GLIS3: variants seen among roughly 807,000 people sequenced by gnomAD.
The protein encoded by GLIS3 is GLIS family zinc finger 3.
GLIS3 carries 53 observed loss-of-function variants against 78.6 expected under a neutral mutation model. The ratio of observed to expected loss-of-function variants is 0.67; its 90% confidence interval spans 0.54 to 0.85. The LOEUF (loss-of-function observed/expected upper bound fraction) is 0.85, where lower values mean the gene tolerates loss of function less well. Among genes scored for constraint, GLIS3 ranks in the 40% least tolerant of loss-of-function variants. GLIS3 has a pLI of 0.00. For synonymous variants in GLIS3, 684 were observed against 509.9 expected (o/e 1.34, Z -4.60); for missense variants, 1,703 against 1,231.1 (o/e 1.38, Z -5.74).
chr9:4,080,148 C>T (rs915761949), intron 4 of GLIS3, among the ~76,000 whole-genome samples: 2 of 152,200 alleles, frequency 1.3e-5, no homozygotes, highest in Non-Finnish European at 2.9e-5. Context: ...AAACCGTGTG[C>T]TGTGGTTCCT....
At chr9:4,198,705 C>T (rs1330745638) in intron 2 of GLIS3, among the ~76,000 whole-genome samples, 1 of 151,992 alleles carries the variant, frequency 6.6e-6, no homozygotes, top group East Asian at 1.9e-4. Flanking sequence ...TACAAGAAAT[C>T]CAGAGAACAC....
intron 2 of GLIS3, among the ~76,000 whole-genome samples, chr9:4,204,473 T>A (rs1819672172): frequency 6.6e-6 from 1 of 152,094 alleles, no homozygotes; most frequent in South Asian, 2.1e-4. Context: ...AAGAAAAGGC[T>A]GCATCCTAGG....
intron 6 of GLIS3, among the ~76,000 whole-genome samples, chr9:3,931,769 C>T (rs1825636213): frequency 6.6e-6 from 1 of 152,166 alleles, no homozygotes; most frequent in Admixed American, 6.5e-5. Context: ...TTTTTATGAA[C>T]TTTGAAAATG....
At chr9:4,184,604 G>C (rs991134134) in intron 2 of GLIS3, among the ~76,000 whole-genome samples, 1 of 152,166 alleles carries the variant, frequency 6.6e-6, no homozygotes, top group African/African-American at 2.4e-5. Flanking sequence ...AAGAGAGAGA[G>C]GAGAAAAGAG....
intron 2 of GLIS3, among the ~76,000 whole-genome samples, chr9:4,147,930 C>T (rs1834356989): frequency 6.6e-6 from 1 of 152,174 alleles, no homozygotes; most frequent in Non-Finnish European, 1.5e-5. Flanking sequence ...GGTAAGTCAA[C>T]TTACTGTCGG....
intron 2 of GLIS3, among the ~76,000 whole-genome samples, chr9:4,184,185 C>G (rs1409821931): frequency 6.6e-6 from 1 of 152,118 alleles, no homozygotes; most frequent in Non-Finnish European, 1.5e-5. Flanking sequence ...TTACAGCCAA[C>G]TCTTGATTAT....
chr9:4,122,106 C>G (rs148666395), intron 3 of GLIS3, among the ~76,000 whole-genome samples: 8 of 152,180 alleles, frequency 5.3e-5, no homozygotes, highest in African/African-American at 1.7e-4. Context: ...ACTCAGAAAC[C>G]ATCAGCAAAA....
intron 2 of GLIS3, among the ~76,000 whole-genome samples, chr9:4,139,090 T>C (rs746851427): frequency 3.3e-5 from 5 of 152,174 alleles, no homozygotes; most frequent in Admixed American, 6.5e-5. Flanking sequence ...GCCCAACTTA[T>C]CTTATTAAGA....
At chr9:3,990,651 C>A (rs990734200) in intron 4 of GLIS3, among the ~76,000 whole-genome samples, 2 of 152,102 alleles carry the variant, frequency 1.3e-5, no homozygotes, top group Non-Finnish European at 1.5e-5. Context: ...TCCAAAATAG[C>A]CCTTGCCTTC....
At chr9:4,252,165 G>A (rs1423693176) in intron 2 of GLIS3, among the ~76,000 whole-genome samples, 3 of 152,124 alleles carry the variant, frequency 2.0e-5, no homozygotes, top group Admixed American at 2.0e-4. Context: ...TTGCTAGGTT[G>A]GGGAAGTTCT....
rs1211303651 is a variant in GLIS3, at chr9:4,125,752, A to G, written c.578T>C (p.Ile193Thr). 1 of 1,613,668 alleles carries G rather than the reference A, an allele frequency of 6.2e-7. No individual in the cohort carries two copies. Among genetic ancestry groups the G allele is most frequent in the Admixed American group, 1.7e-5 (1 of 60,008 alleles). The change falls in exon 3 of 11, where the codon ATA becomes ACA. Residue 193 changes from isoleucine to threonine, a missense_variant. Transcript: ENST00000381971. ...QRAMNAANLN[I>T]PPSDTRSLIS... ...TTGAGACCTGGTATCTGAAGGAGGT[A>G]TATTCAGGTTGGCTGCATTCATTGC... is the stretch of plus-strand genomic sequence containing the variant.
At chr9:4,129,349 G>C (rs1490869842) in intron 2 of GLIS3, among the ~76,000 whole-genome samples, 1 of 152,170 alleles carries the variant, frequency 6.6e-6, no homozygotes, top group East Asian at 1.9e-4. Context: ...CCCTCCCTCT[G>C]ATATGGTTTG....
At chr9:4,469,731 G>C in the GLIS3 span, among the ~76,000 whole-genome samples, 481 of 152,198 alleles carry the variant, frequency 3.2e-3, 1 homozygote, top group Non-Finnish European at 4.8e-3. Context: ...AAGAACTAGA[G>C]AGGCAAGACC....
At chr9:4,167,562 AG>A (rs1815976060) in intron 2 of GLIS3, among the ~76,000 whole-genome samples, 1 of 152,172 alleles carries the variant, frequency 6.6e-6, no homozygotes, top group South Asian at 2.1e-4. Context: ...GGTACACAAC[AG>A]GTGCCCAATA....
At chr9:3,832,160 A>G (rs1818081770) in intron 9 of GLIS3, among the ~76,000 whole-genome samples, 1 of 150,794 alleles carries the variant, frequency 6.6e-6, no homozygotes, top group Non-Finnish European at 1.5e-5. Context: ...TAAAGATTAA[A>G]TGAGTTAATA....
chr9:4,405,986 G>C, the GLIS3 span, among the ~76,000 whole-genome samples: 9 of 152,166 alleles, frequency 5.9e-5, no homozygotes, highest in Non-Finnish European at 1.3e-4. Flanking sequence ...TTCAATGGAT[G>C]CTGAAAAAGC....
At chr9:4,277,460 A>G (rs1024932405) in intron 2 of GLIS3, among the ~76,000 whole-genome samples, 8 of 152,226 alleles carry the variant, frequency 5.3e-5, no homozygotes, top group Non-Finnish European at 8.8e-5. Flanking sequence ...TTCTCACAAT[A>G]CATTATCTTT....
At chr9:3,845,082 TG>T in intron 9 of GLIS3, among the ~76,000 whole-genome samples, 1 of 152,126 alleles carries the variant, frequency 6.6e-6, no homozygotes, top group Non-Finnish European at 1.5e-5. Flanking sequence ...TGTGTGTGTG[TG>T]TGTACAGGAG....
rs1304825215 is a variant in GLIS3, at chr9:4,230,917, A to T, written c.388+55121T>A. ...GTCATACAAAGACTTTAAAATAAAA[A>T]TGTTTAGAGCCAGGTGCAGTGGCTC... On this transcript the variant is annotated intron_variant, in intron 2 of 10. Transcript: ENST00000381971. 2.0e-5 allele frequency among the ~76,000 whole-genome samples: 3 copies of T among 152,092 alleles called. No individual in the cohort carries two copies. In the East Asian group the frequency reaches 5.8e-4, roughly 29 times the overall value.
Sources: allele counts gnomAD v4.1 joint callset (sites outside exome capture counted in the v4.1 genomes callset), GRCh38; gene constraint gnomAD v4.1.1; transcripts MANE v1.5; gene names NCBI Gene and HGNC (gene_info 2026-07-23, HGNC 2026-07-21).